Variants in EHMT1 observed in about 807,000 individuals in gnomAD.
The protein encoded by EHMT1 is histone-lysine N-methyltransferase EHMT1.
A neutral mutation model predicts 147.2 loss-of-function variants in EHMT1; 15 were observed. The observed-to-expected ratio is 0.10, with a 90% CI of 0.07 to 0.16. The LOEUF is 0.16. Among genes scored for constraint, EHMT1 ranks in the 10% least tolerant of loss-of-function variants. EHMT1 has a pLI of 1.00. For synonymous variants in EHMT1, 795 were observed against 709.6 expected, an observed-to-expected ratio of 1.12 and a Z score of -1.91; for missense variants, 1,587 against 1,772.4, an observed-to-expected ratio of 0.90 and a Z score of 1.88.
At chr9:137,807,660 A>G (rs1954064535) in intron 18 of EHMT1, among the ~76,000 whole-genome samples, 1 of 151,996 alleles carries the variant, frequency 6.6e-6, no homozygotes, top group Non-Finnish European at 1.5e-5. Flanking sequence ...GGCGCGCACG[A>G]CCACGCCTGG....
intron 3 of EHMT1, among the ~76,000 whole-genome samples, chr9:137,720,964 C>A (rs1044729942): frequency 1.3e-5 from 2 of 152,000 alleles, no homozygotes; most frequent in African/African-American, 4.8e-5. Flanking sequence ...CAGCCTTTCA[C>A]ACGCCCACCG....
At chr9:137,642,121 T>C (rs1844534753) in intron 1 of EHMT1, among the ~76,000 whole-genome samples, 1 of 152,188 alleles carries the variant, frequency 6.6e-6, no homozygotes, top group Non-Finnish European at 1.5e-5. Flanking sequence ...ATTACAGGTG[T>C]GAGCCACTGC....
intron 23 of EHMT1, chr9:137,817,187 C>T (rs1954985352): frequency 3.5e-6 from 2 of 568,352 alleles, no homozygotes; most frequent in African/African-American, 3.8e-5. Context: ...CAGATGGGGA[C>T]ACCGAGCCAC....
intron 1 of EHMT1, among the ~76,000 whole-genome samples, chr9:137,637,104 A>G (rs1844137809): frequency 6.6e-6 from 1 of 151,218 alleles, no homozygotes; most frequent in Non-Finnish European, 1.5e-5. Flanking sequence ...TCACTGTGTT[A>G]GTCAGGATGG....
chr9:137,679,336 C>T (rs3849856), intron 1 of EHMT1, among the ~76,000 whole-genome samples: 27,634 of 152,038 alleles, frequency 0.18, 2,748 homozygotes, highest in Admixed American at 0.31. Flanking sequence ...CAAGCAAAAC[C>T]ACGGATCAGG....
intron 1 of EHMT1, among the ~76,000 whole-genome samples, chr9:137,663,993 T>G (rs927709070): frequency 2.6e-5 from 4 of 152,246 alleles, no homozygotes; most frequent in Non-Finnish European, 5.9e-5. Flanking sequence ...AAAATTTATC[T>G]TACAGATTAT....
At chr9:137,807,971 T>C (rs747406807) in intron 18 of EHMT1, among the ~76,000 whole-genome samples, 11 of 152,190 alleles carry the variant, frequency 7.2e-5, no homozygotes, top group Non-Finnish European at 1.5e-4. Context: ...TTTGCAAAAC[T>C]TGTATGGTGC....
chr9:137,800,650 T>G lies in EHMT1; in HGVS notation c.2608-230T>G, dbSNP rs1019727414. ...CACAGGGCATGTCGGGCAGGGTTGT[T>G]GGGCCTGGGCCAGTCCTGGTTCTGC... On this transcript the variant is annotated intron_variant, in intron 17 of 26. Transcript: ENST00000460843. 41 of 577,252 alleles carry G rather than the reference T, an allele frequency of 7.1e-5. No homozygotes were observed. In the East Asian group the frequency reaches 1.2e-3, roughly 17 times the overall value. The allele number at this position is 577,252 out of a possible 1,614,324, so 35.8% of individuals were successfully genotyped here.
At chr9:137,768,413 G>A (rs562930225) in intron 10 of EHMT1, among the ~76,000 whole-genome samples, 3 of 147,866 alleles carry the variant, frequency 2.0e-5, no homozygotes, top group Non-Finnish European at 4.5e-5. Flanking sequence ...GAGTGCAGTG[G>A]CAGGATCTCG....
At chr9:137,816,526 C>A in intron 23 of EHMT1, 1 of 261,758 alleles carries the variant, frequency 3.8e-6, no homozygotes, top group East Asian at 9.8e-5. Context: ...TCAGGACGCT[C>A]ATGGAGTAAG....
intron 18 of EHMT1, among the ~76,000 whole-genome samples, chr9:137,807,653 G>A (rs1049038402): frequency 9.9e-5 from 15 of 152,082 alleles, no homozygotes; most frequent in South Asian, 2.1e-4. Context: ...AATTACAGGC[G>A]CGCACGACCA....
intron 16 of EHMT1, among the ~76,000 whole-genome samples, chr9:137,797,295 A>G (rs369274785): frequency 9.9e-5 from 15 of 152,088 alleles, no homozygotes; most frequent in East Asian, 5.8e-4. Context: ...CTTCACGTCT[A>G]TTCCCACGGG....
At chr9:137,821,779 C>T (rs1032578864) in intron 25 of EHMT1, among the ~76,000 whole-genome samples, 1 of 152,116 alleles carries the variant, frequency 6.6e-6, no homozygotes, top group Non-Finnish European at 1.5e-5. Context: ...GCATTTACTA[C>T]CTTGTTTACT....
chr9:137,742,537 T>G (rs1948191682), intron 4 of EHMT1, among the ~76,000 whole-genome samples: 1 of 152,116 alleles, frequency 6.6e-6, no homozygotes, highest in Non-Finnish European at 1.5e-5. Context: ...TGTTTTTCTT[T>G]AAATCCTGGA....
chr9:137,628,069 AGT>A (rs1843382967), intron 1 of EHMT1, among the ~76,000 whole-genome samples: 1 of 152,196 alleles, frequency 6.6e-6, no homozygotes, highest in Non-Finnish European at 1.5e-5. Context: ...ACAGAAGACC[AGT>A]ACTTGCTTGA....
At chr9:137,715,650 C>T in intron 2 of EHMT1, 1 of 985,448 alleles carries the variant, frequency 1.0e-6, no homozygotes, top group African/African-American at 1.7e-5. Context: ...GTGTGTCAAT[C>T]TCGTGATGTA....
intron 22 of EHMT1, 121 bp from the exon 23 acceptor site, chr9:137,815,826 A>C: frequency 1.1e-6 from 1 of 879,740 alleles, no homozygotes. Flanking sequence ...AAGTTTGGCC[A>C]GAAACCATCG....
In EHMT1 at chr9:137,619,101, A is replaced by C. The variant is rs959824434; in HGVS notation, c.21+52A>C. The C allele has an allele frequency of 3.4e-3, 2,023 of 590,128 alleles. 6 individuals are homozygous for C. The highest frequency in any genetic ancestry group is 3.9e-3 in the Non-Finnish European group (1,863 of 476,820). 36.6% of individuals were successfully genotyped at this position (590,128 alleles called of 1,614,324 possible). ...GCGCGGGGGCGGCGGGCAGCGGCGG[A>C]GGCGGCGCGGGGGCGAAGAACCGGG... On this transcript the variant is annotated intron_variant, in intron 1 of 26. Transcript: ENST00000460843.
chr9:137,713,263 A>ATTTTT (rs59459382), intron 2 of EHMT1, among the ~76,000 whole-genome samples: 21 of 102,346 alleles, frequency 2.1e-4, no homozygotes, highest in African/African-American at 4.2e-4. Flanking sequence ...CACCATGCTA[A>ATTTTT]TTTTTTTTTT....
Sources: gnomAD v4.1 joint callset for allele counts (sites outside exome capture counted in the v4.1 genomes callset) on GRCh38, gnomAD v4.1.1 for gene constraint, MANE v1.5 for transcripts, NCBI Gene and HGNC (gene_info 2026-07-23, HGNC 2026-07-21) for gene names.